NOC3L: variants seen among roughly 807,000 people sequenced by gnomAD.
NOC3L encodes NOC3 like DNA replication regulator.
NOC3L carries 85 observed loss-of-function variants against 102.5 expected under a neutral mutation model. The observed-to-expected ratio is 0.83, with a 90% CI of 0.70 to 0.99. The LOEUF (loss-of-function observed/expected upper bound fraction) is 0.99. Among genes scored for constraint, NOC3L ranks in the 50% least tolerant of loss-of-function variants. The pLI is 0.00. For missense variants in NOC3L, 878 were observed against 914.9 expected (o/e 0.96, Z 0.52); for synonymous variants, 303 against 309.4 (o/e 0.98, Z 0.22).
At chr10:94,332,529 GT>G (rs2054172867), downstream of NOC3L, 1 of 151,934 alleles carries the variant, frequency 6.6e-6, no homozygotes, top group Non-Finnish European at 1.5e-5. Flanking sequence ...GTGTGTGTGT[GT>G]GTGTGTGTGT....
the NOC3L span, among the ~76,000 whole-genome samples, chr10:94,317,139 T>C: frequency 6.6e-6 from 1 of 152,038 alleles, no homozygotes. Flanking sequence ...TAATCCCAGC[T>C]ACTCATGAGG....
intron 11 of NOC3L, 38 bp from the exon 12 acceptor site, chr10:94,344,971 T>C (rs199781819): frequency 1.1e-5 from 16 of 1,446,028 alleles, no homozygotes; most frequent in Middle Eastern, 1.8e-4. Flanking sequence ...TAAGAGCATA[T>C]ACCACAGAGT....
chr10:94,341,755 A>T lies in NOC3L; in HGVS notation c.1572-10T>A. On this transcript the variant is annotated splice_polypyrimidine_tract_variant and intron_variant, in intron 13 of 20. Transcript: ENST00000371361. ...TATAAGGTGAGCAAACCTGGAATCA[A>T]ACAAAACAGTTAATCAGTGAACTAA... is the stretch of plus-strand genomic sequence containing the variant. 1 of 1,511,482 alleles carries T rather than the reference A, an allele frequency of 6.6e-7. No individual in the cohort carries two copies. Among genetic ancestry groups the T allele is most frequent in the Non-Finnish European group, 8.9e-7 (1 of 1,119,826 alleles). The allele number at this position is 1,511,482 out of a possible 1,614,324, so 93.6% of individuals were successfully genotyped here.
intron 2 of NOC3L, among the ~76,000 whole-genome samples, chr10:94,358,711 C>T (rs1237765650): frequency 6.6e-6 from 1 of 152,154 alleles, no homozygotes; most frequent in Non-Finnish European, 1.5e-5. Context: ...TGACCACAAG[C>T]TTTTATCCTT....
intron 14 of NOC3L, among the ~76,000 whole-genome samples, chr10:94,340,777 C>T (rs919829908): frequency 1.3e-5 from 2 of 151,932 alleles, no homozygotes; most frequent in Non-Finnish European, 2.9e-5. Flanking sequence ...GTCAGGAGAT[C>T]AAGACCATCC....
chr10:94,344,874 ACT>A lies in NOC3L; in HGVS notation c.1447_1448del (p.Ser483TyrfsTer2). 6.2e-7 allele frequency: 1 copy of A among 1,608,584 alleles called. No individual in the cohort carries two copies. Among genetic ancestry groups the A allele is most frequent in the East Asian group, 2.2e-5 (1 of 44,780 alleles). On this transcript the variant is annotated frameshift_variant, in exon 12 of 21. Transcript: ENST00000371361. LOFTEE classifies it high-confidence loss of function. ...CTACCAGTTTAAGTTTTTTCTCAGT[ACT>A]CTCTGAAGCTTCTGCCTCTCGAAGC... The part of the protein sequence containing the change: ...RELREAEASE[S>X]TEKKLKLHTE...
intron 14 of NOC3L, 139 bp from the exon 15 acceptor site, chr10:94,340,635 G>T (rs967704747): frequency 6.7e-5 from 47 of 706,380 alleles, no homozygotes; most frequent in Non-Finnish European, 9.6e-5. Flanking sequence ...GCTGAGGCAG[G>T]CAGATCATTT....
At chr10:94,324,411 G>A in the NOC3L span, 4 of 1,614,034 alleles carry the variant, frequency 2.5e-6, no homozygotes, top group Non-Finnish European at 3.4e-6. Flanking sequence ...GCGACTATGT[G>A]CTTTTGGAAG....
At chr10:94,346,331 G>T in intron 11 of NOC3L, 94 bp downstream of exon 11, 1 of 950,178 alleles carries the variant, frequency 1.1e-6, no homozygotes, top group Non-Finnish European at 1.5e-6. Flanking sequence ...TTATGTTTAT[G>T]ATTTAACTAT....
chr10:94,347,703 T>C (rs2054361658), intron 10 of NOC3L, among the ~76,000 whole-genome samples: 1 of 152,136 alleles, frequency 6.6e-6, no homozygotes, highest in African/African-American at 2.4e-5. Flanking sequence ...AATTAAAATA[T>C]CTAAGACCTC....
In NOC3L at chr10:94,354,972, T is replaced by C; in HGVS notation, c.687A>G (p.Pro229=). Residue 229 remains proline, a synonymous_variant, in exon 6 of 21, where the codon CCA becomes CCG. Coordinates refer to ENST00000371361, the MANE Select transcript of NOC3L (RefSeq NM_022451.11). ...AALASAILSD[P]ENNIKKLKEL... is the part of the protein sequence containing the mutation. ...AATTAATACTACCTACATTATTTTC[T>C]GGATCTGATAATATGGCAGATGCCA... 1.2e-6 allele frequency: 2 copies of C among 1,612,968 alleles called. No homozygotes were observed. Among genetic ancestry groups the C allele is most frequent in the African/African-American group, 1.3e-5 (1 of 75,044 alleles).
Position 94,360,271 on chromosome 10 carries a change from G to A in NOC3L, c.217+1394C>T, listed in dbSNP as rs538381814. Among the ~76,000 whole-genome samples the A allele has an allele frequency of 1.1e-3, 165 of 152,104 alleles. 1 individual carries two copies. Among genetic ancestry groups the A allele is most frequent in the Non-Finnish European group, 1.7e-3 (113 of 67,994 alleles). On this transcript the variant is annotated intron_variant, in intron 2 of 20. Transcript: ENST00000371361. ...TCGGGGGTTGCAGTGAGCCGGGATC[G>A]TGCCACTGCACTCCAGCCTGGCAAC...
chr10:94,337,125 T>G (rs896413886), intron 19 of NOC3L, among the ~76,000 whole-genome samples: 3 of 152,078 alleles, frequency 2.0e-5, no homozygotes, highest in African/African-American at 7.2e-5. Context: ...TGTGAAAATT[T>G]TGTAAGTAAA....
chr10:94,340,401 G>A, intron 15 of NOC3L, 32 bp downstream of exon 15: 1 of 1,582,106 alleles, frequency 6.3e-7, no homozygotes, highest in South Asian at 1.1e-5. Flanking sequence ...CAAAGGTAAG[G>A]CAAACAAAAC....
chr10:94,317,733 CT>C, the NOC3L span, among the ~76,000 whole-genome samples: 8 of 152,212 alleles, frequency 5.3e-5, no homozygotes, highest in African/African-American at 1.4e-4. Context: ...TGATGAAGCA[CT>C]TTTTTTTTTC....
the NOC3L span, chr10:94,321,805 C>A: frequency 1.1e-6 from 1 of 869,752 alleles, no homozygotes; most frequent in Non-Finnish European, 1.9e-6. Flanking sequence ...GAAGTTTCTA[C>A]ATCACCAAGA....
chr10:94,328,731 C>T (rs1192895799), downstream of NOC3L: 1 of 152,138 alleles, frequency 6.6e-6, no homozygotes, highest in Admixed American at 6.5e-5. Flanking sequence ...TTGTGTACCA[C>T]AGTGCACTCC....
At chr10:94,359,818 A>T (rs180897458) in intron 2 of NOC3L, among the ~76,000 whole-genome samples, 108 of 152,336 alleles carry the variant, frequency 7.1e-4, no homozygotes, top group African/African-American at 2.5e-3. Flanking sequence ...ACCACTATGG[A>T]GAAAAGTTTG....
At chr10:94,344,588 C>G (rs1188822207) in intron 12 of NOC3L, 73 bp from the exon 13 acceptor site, 1 of 1,046,402 alleles carries the variant, frequency 9.6e-7, no homozygotes, top group Non-Finnish European at 1.4e-6. Context: ...ATAAGTATCA[C>G]TTCAACAGGT....
Sources: allele counts gnomAD v4.1 joint callset (sites outside exome capture counted in the v4.1 genomes callset), GRCh38; gene constraint gnomAD v4.1.1; transcripts MANE v1.5; gene names NCBI Gene and HGNC (gene_info 2026-07-23, HGNC 2026-07-21).